The following ARHGAP39 variants were observed in gnomAD, a reference collection of about 807,000 sequenced individuals.
ARHGAP39 encodes rho GTPase-activating protein 39.
A neutral mutation model predicts 106.9 loss-of-function variants in ARHGAP39; 44 were observed. The observed-to-expected ratio is 0.41, with a 90% CI of 0.32 to 0.53. The LOEUF is 0.53. Ranked by LOEUF, ARHGAP39 falls within the 20% of genes least tolerant of loss-of-function variation. The pLI is 0.21. For synonymous variants in ARHGAP39, 768 were observed against 693.2 expected (o/e 1.11, Z -1.69); for missense variants, 1,496 against 1,577.3 (o/e 0.95, Z 0.87).
At position 144,634,001 on chromosome 8, in the gene ARHGAP39, G is replaced by A. The variant is rs79713667; in HGVS notation, c.-81-28306C>T. Among the ~76,000 whole-genome samples the A allele has an allele frequency of 1.4e-4, 21 of 152,372 alleles. No individual in the cohort carries two copies. In the East Asian group the frequency reaches 3.1e-3, roughly 22 times the overall value. On this transcript the variant is annotated intron_variant, in intron 1 of 11. Transcript: ENST00000377307. ...AACTTCTTACCCAATTAACGGGAAA[G>A]ACAAACCAAATATAAAGATGTCATC...
chr8:144,537,246 C>A lies in ARHGAP39; in HGVS notation c.2614+475G>T, dbSNP rs1279112720. ...CCTGCTTCTGGGGCTGTGCTAGGGG[C>A]CCACCATCAAAGCAGGGGACGACTC... is the stretch of plus-strand genomic sequence containing the variant. On this transcript the variant is annotated intron_variant, in intron 7 of 11. Coordinates refer to ENST00000377307, the MANE Select transcript of ARHGAP39 (RefSeq NM_025251.3). Among the ~76,000 whole-genome samples the A allele has an allele frequency of 2.6e-5, 4 of 152,108 alleles. No homozygotes were observed. The East Asian group carries it at 7.7e-4, about 29-fold the overall frequency.
rs1327693441 is a variant in ARHGAP39 at position 144,547,485 on chromosome 8, G to A, written c.1601C>T (p.Ala534Val). ...CTCACCTTCCGCTCGCTTCACGGGGGCGAGGCTGGTCCCGCACGGGGGCTG... is the reference window on the plus strand; with the variant it reads ...CTCACCTTCCGCTCGCTTCACGGGGACGAGGCTGGTCCCGCACGGGGGCTG... ...EEQPPCGTSL[A>V]PVKRAEGEAE... The change falls in exon 5 of 12, where the codon GCC (alanine) becomes GTC (valine). Residue 534 changes from alanine (A) to valine (V), a missense_variant. This residue lies in a region of ARHGAP39 where 905 missense variants were observed against 816.4 expected (regional missense o/e 1.11). Coordinates refer to ENST00000377307, the MANE Select transcript of ARHGAP39 (RefSeq NM_025251.3). This position sits in a 1 kb window ranked among gnomAD's most constrained non-coding sequence, Gnocchi z 5.2. 1.3e-6 allele frequency: 2 copies of A among 1,528,592 alleles called. No homozygotes were observed. The highest frequency in any genetic ancestry group is 2.3e-5 in the East Asian group (1 of 42,636). 94.7% of individuals were successfully genotyped at this position (1,528,592 alleles called of 1,614,324 possible). A position where few individuals can be genotyped will look rare whatever the true frequency, so the allele number is the denominator to read the frequency against.
intron 1 of ARHGAP39, among the ~76,000 whole-genome samples, chr8:144,677,555 A>T (rs1368180545): frequency 6.6e-6 from 1 of 152,152 alleles, no homozygotes. Flanking sequence ...ATTCCACAGC[A>T]CCTCCATACA....
chr8:144,607,176 A>G (rs1360259662), intron 1 of ARHGAP39, among the ~76,000 whole-genome samples: 1 of 148,678 alleles, frequency 6.7e-6, no homozygotes, highest in Non-Finnish European at 1.5e-5. Context: ...CACGTGAGGA[A>G]GAGGAGGGAG....
At chr8:144,600,045 G>A (rs898574342) in intron 2 of ARHGAP39, among the ~76,000 whole-genome samples, 1 of 152,224 alleles carries the variant, frequency 6.6e-6, no homozygotes, top group African/African-American at 2.4e-5. Flanking sequence ...GCGCGTGGAG[G>A]CATGCATGCA....
At chr8:144,609,804 A>AC (rs1820428374) in intron 1 of ARHGAP39, among the ~76,000 whole-genome samples, 1 of 152,218 alleles carries the variant, frequency 6.6e-6, no homozygotes, top group South Asian at 2.1e-4. Context: ...TTCTTCTTGT[A>AC]ACATCTTTGG....
At chr8:144,601,507 G>A (rs979932090) in intron 2 of ARHGAP39, among the ~76,000 whole-genome samples, 4 of 132,126 alleles carry the variant, frequency 3.0e-5, no homozygotes, top group African/African-American at 1.3e-4. Flanking sequence ...TGTGCGTGGA[G>A]GCATGTGTGT....
At chr8:144,652,902 C>G (rs1258113390) in intron 1 of ARHGAP39, among the ~76,000 whole-genome samples, 3 of 151,716 alleles carry the variant, frequency 2.0e-5, no homozygotes, top group Non-Finnish European at 4.4e-5. Context: ...CACATGTACC[C>G]CCCCGAATCT....
At position 144,641,289 on chromosome 8, in the gene ARHGAP39, T is replaced by C. The variant is rs1821308207; in HGVS notation, c.-81-35594A>G. On this transcript the variant is annotated intron_variant, in intron 1 of 11. Coordinates refer to ENST00000377307, the MANE Select transcript of ARHGAP39 (RefSeq NM_025251.3). The surrounding 1 kb of genome is among the most constrained non-coding windows in gnomAD (Gnocchi z 5.2). The stretch of plus-strand genomic sequence containing the variant: ...AGGACGGGAAAGGAGAGGCAGACGC[T>C]ATTAAATTCTTTATGGAATGAAAAT... 6.6e-6 allele frequency among the ~76,000 whole-genome samples: 1 copy of C among 152,122 alleles called. No homozygotes were observed. The highest frequency in any genetic ancestry group is 2.4e-5 in the African/African-American group (1 of 41,416).
intron 1 of ARHGAP39, among the ~76,000 whole-genome samples, chr8:144,642,511 T>TA (rs959921446): frequency 0.066 from 9,379 of 143,154 alleles, 389 homozygotes; most frequent in Non-Finnish European, 0.091. Context: ...AGATAAAAAT[T>TA]AAAAAAAAAA....
chr8:144,643,484 A>G (rs1821362944), intron 1 of ARHGAP39, among the ~76,000 whole-genome samples: 2 of 152,062 alleles, frequency 1.3e-5, no homozygotes, highest in South Asian at 2.1e-4. Flanking sequence ...AAATAATCAC[A>G]CAGAGAGACT....
intron 1 of ARHGAP39, among the ~76,000 whole-genome samples, chr8:144,651,824 C>G (rs1821581371): frequency 6.6e-6 from 1 of 152,140 alleles, no homozygotes; most frequent in Non-Finnish European, 1.5e-5. Context: ...TCAAATTATA[C>G]TACAGTGCTA....
At chr8:144,692,748 C>CTTTTT in the ARHGAP39 span, among the ~76,000 whole-genome samples, 40 of 68,984 alleles carry the variant, frequency 5.8e-4, no homozygotes, top group East Asian at 8.8e-4. Flanking sequence ...TTGTAAAATT[C>CTTTTT]TTTTTTTTTT....
At chr8:144,657,414 C>T (rs1297481099) in intron 1 of ARHGAP39, among the ~76,000 whole-genome samples, 1 of 152,124 alleles carries the variant, frequency 6.6e-6, no homozygotes, top group Non-Finnish European at 1.5e-5. Context: ...CAACTCTGAT[C>T]ATGCTACTGC....
intron 1 of ARHGAP39, among the ~76,000 whole-genome samples, chr8:144,640,203 C>T (rs1586631898): frequency 6.6e-6 from 1 of 152,194 alleles, no homozygotes; most frequent in Non-Finnish European, 1.5e-5. Flanking sequence ...TGGACTCTCG[C>T]GTGGCTCAGT....
At chr8:144,571,511 T>G (rs1052617694) in intron 3 of ARHGAP39, among the ~76,000 whole-genome samples, 6 of 152,162 alleles carry the variant, frequency 3.9e-5, no homozygotes, top group African/African-American at 1.4e-4. Flanking sequence ...CCATAAATAA[T>G]GACAAACCCA....
rs185045122 is a variant in ARHGAP39 at position 144,535,395 on chromosome 8, G to A, written c.2615-1193C>T. On this transcript the variant is annotated intron_variant, in intron 7 of 11. Transcript: ENST00000377307. ...CCTTGGGACCACAGGTCTTGGCAGA[G>A]GATGTGGCCCCAGCCTCCAGCGTGG... 3.2e-3 allele frequency among the ~76,000 whole-genome samples: 483 copies of A among 152,342 alleles called. 8 individuals are homozygous for A. Among genetic ancestry groups the A allele is most frequent in the Non-Finnish European group, 2.6e-3 (179 of 68,030 alleles).
intron 1 of ARHGAP39, among the ~76,000 whole-genome samples, chr8:144,656,230 T>G (rs1470698979): frequency 6.8e-6 from 1 of 147,530 alleles, no homozygotes; most frequent in Non-Finnish European, 1.5e-5. Flanking sequence ...TAGTGGCTCA[T>G]GCCTGTAATC....
Position 144,646,600 on chromosome 8 carries a change from C to A in ARHGAP39, c.-82+39086G>T, listed in dbSNP as rs993536194. Reference sequence around the variant, plus strand: ...TGGAAGCCTCGTCCTTTCTGCACCACCGCACAATGTTAGAGCTCTGCGCCT... The same window carrying A: ...TGGAAGCCTCGTCCTTTCTGCACCAACGCACAATGTTAGAGCTCTGCGCCT... On this transcript the variant is annotated intron_variant, in intron 1 of 11. Coordinates refer to ENST00000377307, the MANE Select transcript of ARHGAP39 (RefSeq NM_025251.3). This position sits in a 1 kb window ranked among gnomAD's most constrained non-coding sequence, Gnocchi z 5.7. 8.5e-5 allele frequency among the ~76,000 whole-genome samples: 13 copies of A among 152,174 alleles called. No homozygotes were observed. The highest frequency in any genetic ancestry group is 3.1e-4 in the African/African-American group (13 of 41,436).
Sources: gnomAD v4.1 joint callset for allele counts (sites outside exome capture counted in the v4.1 genomes callset) on GRCh38, gnomAD v4.1.1 for gene constraint, gnomAD v4.1.1 regional missense constraint, Gnocchi (gnomAD v3.1) non-coding constraint, MANE v1.5 for transcripts, NCBI Gene and HGNC (gene_info 2026-07-23, HGNC 2026-07-21) for gene names.